ACSL4: variants seen among roughly 807,000 people sequenced by gnomAD.
ACSL4 encodes the protein long-chain-fatty-acid--CoA ligase 4.
Under a neutral mutation model 49.1 loss-of-function variants are expected in ACSL4, and 9 were observed. That is an observed-to-expected ratio of 0.18 (90% CI 0.11 to 0.32). The LOEUF is 0.32. ACSL4 is among the 10% of genes least tolerant of loss of function. ACSL4 has a pLI of 1.00. For missense variants in ACSL4, 333 were observed against 493.7 expected, an observed-to-expected ratio of 0.67 and a Z score of 3.08; for synonymous variants, 191 against 170.3, an observed-to-expected ratio of 1.12 and a Z score of -0.95.
intron 2 of ACSL4, among the ~76,000 whole-genome samples, chrX:109,687,364 G>A (rs1924695145): frequency 8.9e-6 from 1 of 112,338 alleles, no homozygotes; most frequent in Admixed American, 9.4e-5. Context: ...TAGGCTAACA[G>A]ATCTGGGTTT....
At chrX:109,664,028 A>C (rs925163626) in intron 12 of ACSL4, among the ~76,000 whole-genome samples, 2 of 111,718 alleles carry the variant, frequency 1.8e-5, no homozygotes, top group Non-Finnish European at 3.8e-5. Context: ...ATATACAAAA[A>C]TCTAAATTTG....
At chrX:109,647,321 G>A (rs1252725108) in intron 15 of ACSL4, among the ~76,000 whole-genome samples, 1 of 111,740 alleles carries the variant, frequency 8.9e-6, no homozygotes, top group Non-Finnish European at 1.9e-5. Flanking sequence ...ATAACAAACT[G>A]TCTCTCAGAC....
chrX:109,729,265 A>T (rs1483133121), intron 1 of ACSL4, among the ~76,000 whole-genome samples: 1 of 111,780 alleles, frequency 8.9e-6, no homozygotes, highest in Non-Finnish European at 1.9e-5. Flanking sequence ...AAAAAATCCA[A>T]ATAGAAAATG....
intron 1 of ACSL4, among the ~76,000 whole-genome samples, chrX:109,724,353 C>T (rs1240255822): frequency 1.8e-5 from 2 of 111,375 alleles, no homozygotes; most frequent in Non-Finnish European, 3.8e-5. Context: ...TGGATCGCTG[C>T]AACCTCTGCC....
intron 15 of ACSL4, among the ~76,000 whole-genome samples, chrX:109,649,869 C>T (rs1465764272): frequency 9.3e-6 from 1 of 107,132 alleles, no homozygotes; most frequent in Non-Finnish European, 1.9e-5. Context: ...GGGTGAAGGA[C>T]ATGAACAGAC....
intron 11 of ACSL4, 102 bp from the exon 12 acceptor site, chrX:109,665,596 AAAG>A (rs1271433220): frequency 1.4e-6 from 1 of 695,499 alleles, no homozygotes; most frequent in Non-Finnish European, 2.3e-6. Flanking sequence ...AAAAATGACA[AAAG>A]AAGGAGTGCA....
intron 9 of ACSL4, among the ~76,000 whole-genome samples, chrX:109,670,833 G>T (rs905046797): frequency 2.7e-5 from 3 of 112,555 alleles, no homozygotes; most frequent in African/African-American, 9.7e-5. Flanking sequence ...CGCCATGCTG[G>T]CCAGGCTGGT....
chrX:109,703,001 A>G (rs993631074), intron 1 of ACSL4, among the ~76,000 whole-genome samples: 6 of 112,553 alleles, frequency 5.3e-5, no homozygotes, highest in African/African-American at 1.9e-4. Flanking sequence ...TACTACAGGC[A>G]AAATCCATCA....
chrX:109,695,982 T>C (rs1438755024), intron 2 of ACSL4, 162 bp downstream of exon 2: 1 of 112,399 alleles, frequency 8.9e-6, no homozygotes, highest in African/African-American at 3.2e-5. Context: ...AATGTTTTCC[T>C]ATTTTGCTCT....
At position 109,654,703 on chromosome X, in the gene ACSL4, G is replaced by A. The variant is rs144510811; in HGVS notation, c.1855+4651C>T. Among the ~76,000 whole-genome samples the A allele has an allele frequency of 9.5e-3, 1,064 of 112,094 alleles. 22 individuals carry two copies. The highest frequency in any genetic ancestry group is 0.033 in the African/African-American group (1,008 of 30,742). On this transcript the variant is annotated intron_variant, in intron 15 of 15. Coordinates refer to ENST00000672401, the MANE Select transcript of ACSL4 (RefSeq NM_001318510.2). ...GCAAACTGCCCTCATAGTAGAGCCC[G>A]GGCAAGTGCCCACTAAGCCTGTGCC...
Position 109,678,393 on chromosome X carries a change from T to C in ACSL4, c.678A>G (p.Pro226=). The change falls in exon 7 of 16, where the codon CCA becomes CCG. Residue 226 remains proline (P), a synonymous_variant. Coordinates refer to ENST00000672401, the MANE Select transcript of ACSL4 (RefSeq NM_001318510.2). ...TAACAATGGCCATGTCTGAAGGCGT[T>C]GGTCTACTTGGAGGAATGCCCACTA... ...PENLGIPPSR[P]TPSDMAIVMY... is the part of the protein sequence containing the mutation. The C allele has an allele frequency of 8.2e-7, 1 of 1,212,122 alleles. No individual in the cohort carries two copies. The highest frequency in any genetic ancestry group is 3.0e-5 in the East Asian group (1 of 33,876).
chrX:109,699,148 C>T (rs1925675172), intron 1 of ACSL4, among the ~76,000 whole-genome samples: 1 of 112,116 alleles, frequency 8.9e-6, no homozygotes, highest in African/African-American at 3.2e-5. Flanking sequence ...GAGCAGATGA[C>T]CTGAGTTCAA....
At chrX:109,712,392 GC>G (rs1926813731) in intron 1 of ACSL4, among the ~76,000 whole-genome samples, 1 of 112,077 alleles carries the variant, frequency 8.9e-6, no homozygotes, top group South Asian at 3.7e-4. Flanking sequence ...AAGCCACCAT[GC>G]CTGGCCAAGA....
At chrX:109,671,524 C>T (rs113939061) in intron 9 of ACSL4, among the ~76,000 whole-genome samples, 1 of 110,880 alleles carries the variant, frequency 9.0e-6, no homozygotes, top group South Asian at 3.8e-4. Context: ...CTGGCCGCCC[C>T]GTCTGGGAGG....
At chrX:109,672,014 C>T (rs1280916188) in intron 9 of ACSL4, among the ~76,000 whole-genome samples, 1 of 101,879 alleles carries the variant, frequency 9.8e-6, no homozygotes, top group African/African-American at 3.7e-5. Flanking sequence ...CTTCCCTCCA[C>T]TATTGTCCTA....
chrX:109,662,031 A>C (rs758992950), intron 13 of ACSL4, among the ~76,000 whole-genome samples: 1 of 111,491 alleles, frequency 9.0e-6, no homozygotes, highest in Non-Finnish European at 1.9e-5. Flanking sequence ...GATCCTCGGC[A>C]TGTCAGTTAA....
At chrX:109,661,137 CAT>C (rs1922142917) in intron 14 of ACSL4, among the ~76,000 whole-genome samples, 1 of 111,611 alleles carries the variant, frequency 9.0e-6, no homozygotes, top group Non-Finnish European at 1.9e-5. Context: ...AAAAATAAGA[CAT>C]ATCAACATAT....
intron 15 of ACSL4, among the ~76,000 whole-genome samples, chrX:109,646,083 T>C (rs1192280345): frequency 1.8e-5 from 2 of 112,084 alleles, no homozygotes; most frequent in Non-Finnish European, 1.9e-5. Context: ...TGGAACCAAG[T>C]TGGAAAACAC....
chrX:109,713,690 G>A (rs1374339979), intron 1 of ACSL4, among the ~76,000 whole-genome samples: 1 of 111,767 alleles, frequency 8.9e-6, no homozygotes, highest in Non-Finnish European at 1.9e-5. Flanking sequence ...TGTTAGGGGG[G>A]AAAAGATTGA....
Sources: gnomAD v4.1 joint callset for allele counts (sites outside exome capture counted in the v4.1 genomes callset) on GRCh38, gnomAD v4.1.1 for gene constraint, MANE v1.5 for transcripts, NCBI Gene and HGNC (gene_info 2026-07-23, HGNC 2026-07-21) for gene names.